Variants in PPP2R2B observed in about 807,000 individuals in gnomAD.
PPP2R2B encodes serine/threonine-protein phosphatase 2A 55 kDa regulatory subunit B beta isoform.
Under a neutral mutation model 46.0 loss-of-function variants are expected in PPP2R2B, and 5 were observed. That is an observed-to-expected ratio of 0.11 (90% CI 0.06 to 0.23). PPP2R2B has a LOEUF of 0.23. PPP2R2B is among the 10% of genes least tolerant of loss of function. PPP2R2B has a pLI of 1.00. For synonymous variants in PPP2R2B, 215 were observed against 206.7 expected (o/e 1.04, Z -0.34); for missense variants, 367 against 575.0 (o/e 0.64, Z 3.70).
chr5:146,832,379 CTTTTTTTTTT>C (rs34269274), intron 2 of PPP2R2B, among the ~76,000 whole-genome samples: 47 of 70,198 alleles, frequency 6.7e-4, no homozygotes, highest in African/African-American at 2.0e-3. Flanking sequence ...CATTTTTAAT[CTTTTTTTTTT>C]TTTTTTTTTT....
At chr5:146,946,797 T>C (rs1441101596) in intron 1 of PPP2R2B, among the ~76,000 whole-genome samples, 1 of 152,002 alleles carries the variant, frequency 6.6e-6, no homozygotes, top group Non-Finnish European at 1.5e-5. Context: ...TACAGAAGGA[T>C]TGTTTCCATC....
rs547738562 is a variant in PPP2R2B, at chr5:146,645,819, T to C, written c.625+4728A>G. ...GACTTCTGAAAGGTGAGGCTTCTGC[T>C]ACCCTTCCCAGCCTTGCTTACTCCA... On this transcript the variant is annotated intron_variant, in intron 6 of 9. Coordinates refer to ENST00000394411, the MANE Select transcript of PPP2R2B (RefSeq NM_181675.4). 2.6e-5 allele frequency among the ~76,000 whole-genome samples: 4 copies of C among 152,318 alleles called. No homozygotes were observed. In the South Asian group the frequency reaches 8.3e-4, roughly 32 times the overall value.
chr5:146,789,168 G>A (rs964554996), intron 2 of PPP2R2B, among the ~76,000 whole-genome samples: 7 of 152,150 alleles, frequency 4.6e-5, no homozygotes, highest in African/African-American at 1.2e-4. Context: ...GGCAACAGCT[G>A]ATTGTGTCTT....
At chr5:146,664,674 A>G (rs1776866708) in intron 5 of PPP2R2B, among the ~76,000 whole-genome samples, 1 of 152,144 alleles carries the variant, frequency 6.6e-6, no homozygotes, top group Non-Finnish European at 1.5e-5. Context: ...AATGTTCTTA[A>G]TGGCACCTAG....
In PPP2R2B at chr5:146,739,566, G is replaced by C. The variant is rs766709093; in HGVS notation, c.71-38424C>G. On this transcript the variant is annotated intron_variant, in intron 2 of 9. Transcript: ENST00000394411. ...AGGGCTGGGCAAAGGAAGGACACAT[G>C]TTCAGAATATATTAGAGAAGTAAAC... 9.2e-5 allele frequency among the ~76,000 whole-genome samples: 14 copies of C among 152,300 alleles called. No individual in the cohort carries two copies. The Middle Eastern group carries it at 0.01, about 111-fold the overall frequency.
At chr5:146,861,016 C>G (rs1362173485) in intron 2 of PPP2R2B, among the ~76,000 whole-genome samples, 1 of 149,430 alleles carries the variant, frequency 6.7e-6, no homozygotes, top group African/African-American at 2.5e-5. Context: ...ACAGTGTTCA[C>G]TTATCACTCC....
intron 1 of PPP2R2B, among the ~76,000 whole-genome samples, chr5:146,916,178 C>CA (rs1266088012): frequency 1.3e-5 from 2 of 151,510 alleles, no homozygotes; most frequent in Non-Finnish European, 2.9e-5. Context: ...TTACCCACAA[C>CA]AAAAAAATGC....
chr5:146,785,727 T>G (rs1755793240), intron 2 of PPP2R2B, among the ~76,000 whole-genome samples: 1 of 152,170 alleles, frequency 6.6e-6, no homozygotes, highest in Non-Finnish European at 1.5e-5. Flanking sequence ...AGTAAATCCT[T>G]ATTTTTCACA....
chr5:146,831,659 C>T (rs1758949596), intron 2 of PPP2R2B, among the ~76,000 whole-genome samples: 1 of 152,086 alleles, frequency 6.6e-6, no homozygotes, highest in Admixed American at 6.5e-5. Context: ...GGCGTGGTGG[C>T]ACATGCCTGT....
At chr5:146,662,664 AC>A (rs1388054206) in intron 5 of PPP2R2B, among the ~76,000 whole-genome samples, 1 of 152,194 alleles carries the variant, frequency 6.6e-6, no homozygotes, top group Non-Finnish European at 1.5e-5. Context: ...CACAAAATAG[AC>A]TAAGACTATG....
At chr5:147,075,659 G>C (rs1757741056) in intron 2 of PPP2R2B, among the ~76,000 whole-genome samples, 1 of 152,088 alleles carries the variant, frequency 6.6e-6, no homozygotes, top group Non-Finnish European at 1.5e-5. Flanking sequence ...CCCAGTGTTA[G>C]TAACGGTGTC....
intron 7 of PPP2R2B, among the ~76,000 whole-genome samples, chr5:146,604,370 T>C (rs1348646412): frequency 6.6e-6 from 1 of 152,188 alleles, no homozygotes; most frequent in Non-Finnish European, 1.5e-5. Flanking sequence ...AACACTAGCC[T>C]TTCTCCTGGA....
chr5:146,853,045 T>C (rs1193905396), intron 2 of PPP2R2B, among the ~76,000 whole-genome samples: 1 of 152,150 alleles, frequency 6.6e-6, no homozygotes, highest in African/African-American at 2.4e-5. Context: ...TTAACAGAGA[T>C]TAAAGATCTC....
At chr5:146,795,904 C>G (rs1055603580) in intron 2 of PPP2R2B, among the ~76,000 whole-genome samples, 4 of 152,246 alleles carry the variant, frequency 2.6e-5, no homozygotes, top group Non-Finnish European at 2.9e-5. Flanking sequence ...GATAAAAATT[C>G]TTTGTCATCA....
chr5:146,594,782 A>G (rs322472), intron 8 of PPP2R2B, among the ~76,000 whole-genome samples: 3,928 of 152,292 alleles, frequency 0.026, 163 homozygotes, highest in African/African-American at 0.09. Context: ...AGTCCTTGAC[A>G]GGAGCTGTGA....
chr5:146,698,203 C>G, intron 3 of PPP2R2B, 59 bp from the exon 4 acceptor site: 1 of 1,428,568 alleles, frequency 7.0e-7, no homozygotes, highest in South Asian at 1.5e-5. Flanking sequence ...CTGTAAAACT[C>G]GCCAACTCCC....
At chr5:146,931,944 T>G (rs1036761079) in intron 1 of PPP2R2B, among the ~76,000 whole-genome samples, 3 of 152,162 alleles carry the variant, frequency 2.0e-5, no homozygotes, top group Admixed American at 2.0e-4. Flanking sequence ...CATGTGTGAG[T>G]GAATGGATTC....
At chr5:146,605,853 C>T (rs1356025011) in intron 7 of PPP2R2B, among the ~76,000 whole-genome samples, 1 of 152,254 alleles carries the variant, frequency 6.6e-6, no homozygotes, top group African/African-American at 2.4e-5. Flanking sequence ...GTCAAAACAA[C>T]TGAATACTGC....
At chr5:147,008,402 T>C (rs112475080) in intron 1 of PPP2R2B, among the ~76,000 whole-genome samples, 211 of 152,294 alleles carry the variant, frequency 1.4e-3, no homozygotes, top group Non-Finnish European at 2.8e-3. Flanking sequence ...ATAAAATATT[T>C]ATGAAACACC....
Sources: gnomAD v4.1 joint callset for allele counts (sites outside exome capture counted in the v4.1 genomes callset) on GRCh38, gnomAD v4.1.1 for gene constraint, MANE v1.5 for transcripts, NCBI Gene and HGNC (gene_info 2026-07-23, HGNC 2026-07-21) for gene names.